ZNF521: variants seen among roughly 807,000 people sequenced by gnomAD.
The protein encoded by ZNF521 is zinc finger protein 521, also known as LYST-interacting protein 3.
In ZNF521, 14 loss-of-function variants were observed where a neutral mutation model predicts 105.5. The ratio of observed to expected loss-of-function variants is 0.13; its 90% CI spans 0.09 to 0.21. The LOEUF (loss-of-function observed/expected upper bound fraction) is 0.21, where lower values mean the gene tolerates loss of function less well. Among genes scored for constraint, ZNF521 ranks in the 10% least tolerant of loss-of-function variants. The probability of loss-of-function intolerance (pLI) is 1.00; values close to 1 mark genes in which losing one functional copy is unlikely to be tolerated. For synonymous variants in ZNF521, 635 were observed against 606.0 expected, an observed-to-expected ratio of 1.05 and a Z score of -0.70; for missense variants, 1,233 against 1,629.7, an observed-to-expected ratio of 0.76 and a Z score of 4.19.
intron 7 of ZNF521, among the ~76,000 whole-genome samples, chr18:25,075,947 A>G (rs1350397508): frequency 6.6e-6 from 1 of 152,236 alleles, no homozygotes; most frequent in Non-Finnish European, 1.5e-5. Context: ...CTGAACTGTC[A>G]GCATATTTCT....
intron 7 of ZNF521, among the ~76,000 whole-genome samples, chr18:25,070,289 A>G (rs2033185403): frequency 1.3e-5 from 2 of 152,164 alleles, no homozygotes; most frequent in Non-Finnish European, 1.5e-5. Flanking sequence ...TCACTGAAGG[A>G]CATTTTTGTT....
At chr18:25,197,536 C>T (rs528912686) in intron 4 of ZNF521, among the ~76,000 whole-genome samples, 5 of 151,940 alleles carry the variant, frequency 3.3e-5, no homozygotes, top group East Asian at 3.9e-4. Context: ...GATCCCTGCA[C>T]ACCTGTACAC....
intron 5 of ZNF521, among the ~76,000 whole-genome samples, chr18:25,168,762 T>TA (rs1303830366): frequency 6.6e-6 from 1 of 152,196 alleles, no homozygotes; most frequent in African/African-American, 2.4e-5. Flanking sequence ...GCACGTACAG[T>TA]ACCTTCCTTG....
intron 5 of ZNF521, among the ~76,000 whole-genome samples, chr18:25,193,622 C>T (rs540629005): frequency 6.6e-6 from 1 of 152,100 alleles, no homozygotes; most frequent in East Asian, 1.9e-4. Context: ...CTCCTCTCCT[C>T]TAAAAAGCTG....
At position 25,269,372 on chromosome 18, in the gene ZNF521, A is replaced by G. The variant is rs144108086; in HGVS notation, c.221-41675T>C. Among the ~76,000 whole-genome samples the G allele has an allele frequency of 7.6e-3, 1,160 of 152,314 alleles. 9 individuals are homozygous for G. The highest frequency in any genetic ancestry group is 0.013 in the South Asian group (61 of 4,820). On this transcript the variant is annotated intron_variant, in intron 3 of 7. Coordinates refer to ENST00000361524, the MANE Select transcript of ZNF521 (RefSeq NM_015461.3). ...TTATTGACCCCACTGTCAATATTAG[A>G]CAGATCAACGCGACAGAAAATTAAC...
rs1484337769 is a variant in ZNF521, at chr18:25,203,951, G to A, written c.3574-8707C>T. Reference sequence around the variant, plus strand: ...TCTCAAAGCTTGGTTCTGTCTCTGCGACAGTGAGTGAGTTCTCACGAGATG... The same window carrying A: ...TCTCAAAGCTTGGTTCTGTCTCTGCAACAGTGAGTGAGTTCTCACGAGATG... On this transcript the variant is annotated intron_variant, in intron 4 of 7. Transcript: ENST00000361524. 2.6e-5 allele frequency among the ~76,000 whole-genome samples: 4 copies of A among 152,020 alleles called. No homozygotes were observed. The East Asian group carries it at 7.7e-4, about 29-fold the overall frequency.
At chr18:25,084,970 G>C (rs576587687) in intron 7 of ZNF521, among the ~76,000 whole-genome samples, 1 of 152,270 alleles carries the variant, frequency 6.6e-6, no homozygotes, top group South Asian at 2.1e-4. Flanking sequence ...TCTCAAAGCA[G>C]CTTCCTTAGG....
chr18:25,347,080 C>A (rs1914495380), intron 2 of ZNF521, among the ~76,000 whole-genome samples: 1 of 152,030 alleles, frequency 6.6e-6, no homozygotes, highest in African/African-American at 2.4e-5. Flanking sequence ...GAATAAATAG[C>A]CAGCAAGAAA....
At chr18:25,275,720 C>T (rs964752319) in intron 3 of ZNF521, among the ~76,000 whole-genome samples, 2 of 152,158 alleles carry the variant, frequency 1.3e-5, no homozygotes, top group Admixed American at 6.5e-5. Flanking sequence ...CCAAACAAAT[C>T]TAAGGAAAGG....
At chr18:25,111,397 T>C (rs1046009620) in intron 5 of ZNF521, among the ~76,000 whole-genome samples, 2 of 152,166 alleles carry the variant, frequency 1.3e-5, no homozygotes, top group East Asian at 1.9e-4. Context: ...AGTCATTGTG[T>C]TTAACGAAAA....
chr18:25,310,593 G>A (rs571593453), intron 3 of ZNF521, among the ~76,000 whole-genome samples: 1 of 152,132 alleles, frequency 6.6e-6, no homozygotes, highest in East Asian at 1.9e-4. Flanking sequence ...AATAGTGAAA[G>A]CCATCAATTA....
intron 5 of ZNF521, among the ~76,000 whole-genome samples, chr18:25,144,062 A>C (rs2034899556): frequency 6.6e-6 from 1 of 152,182 alleles, no homozygotes; most frequent in African/African-American, 2.4e-5. Context: ...CATTTGGTGA[A>C]AGAAAATTCA....
rs534134975 is a variant in ZNF521, at chr18:25,270,798, T to C, written c.221-43101A>G. ...ATCTCAAAATAATAAGAGCTATTTATGACAAGCCCACAGCTAATATCATAC... is the reference window on the plus strand; with the variant it reads ...ATCTCAAAATAATAAGAGCTATTTACGACAAGCCCACAGCTAATATCATAC... On this transcript the variant is annotated intron_variant, in intron 3 of 7. Transcript: ENST00000361524. 7.2e-5 allele frequency among the ~76,000 whole-genome samples: 11 copies of C among 152,292 alleles called. No individual in the cohort carries two copies. In the East Asian group the frequency reaches 2.1e-3, roughly 29 times the overall value.
chr18:25,275,293 T>C lies in ZNF521; in HGVS notation c.220+46715A>G, dbSNP rs551632375. ...CCCAATACAACTTATGGCGCAAAAA[T>C]TTTTTTAAAAAATAGGAAGGTAAAG... On this transcript the variant is annotated intron_variant, in intron 3 of 7. Transcript: ENST00000361524. 1.3e-5 allele frequency among the ~76,000 whole-genome samples: 2 copies of C among 152,220 alleles called. 1 individual carries two copies. The highest frequency in any genetic ancestry group is 3.9e-4 in the East Asian group (2 of 5,178).
chr18:25,140,483 G>T (rs754347635), intron 5 of ZNF521, among the ~76,000 whole-genome samples: 6 of 152,098 alleles, frequency 3.9e-5, no homozygotes, highest in Non-Finnish European at 7.4e-5. Context: ...GAGTGTCGTG[G>T]GAATTTAGCT....
At chr18:25,163,265 G>A (rs1168445560) in intron 5 of ZNF521, among the ~76,000 whole-genome samples, 1 of 152,202 alleles carries the variant, frequency 6.6e-6, no homozygotes, top group Non-Finnish European at 1.5e-5. Context: ...TCTGTGCAAT[G>A]CAAGTATGGC....
At chr18:25,155,976 G>T (rs2144504340) in intron 5 of ZNF521, among the ~76,000 whole-genome samples, 1 of 152,248 alleles carries the variant, frequency 6.6e-6, no homozygotes, top group South Asian at 2.1e-4. Flanking sequence ...AAGATATTAA[G>T]TTTAAAGGAC....
At chr18:25,075,359 TAGCTC>T (rs1377971093) in intron 7 of ZNF521, among the ~76,000 whole-genome samples, 1 of 152,240 alleles carries the variant, frequency 6.6e-6, no homozygotes, top group Non-Finnish European at 1.5e-5. Context: ...AGAGAGTTGT[TAGCTC>T]AGATATTAAA....
chr18:25,082,664 C>T (rs1408755309), intron 7 of ZNF521: 1 of 414,472 alleles, frequency 2.4e-6, no homozygotes, highest in South Asian at 1.8e-5. Context: ...GGTGAAACCC[C>T]ATCTCTACTA....
Sources: gnomAD v4.1 joint callset for allele counts (sites outside exome capture counted in the v4.1 genomes callset) on GRCh38, gnomAD v4.1.1 for gene constraint, MANE v1.5 for transcripts, NCBI Gene and HGNC (gene_info 2026-07-23, HGNC 2026-07-21) for gene names.